The following LRRC4C variants were observed in gnomAD, a reference collection of about 807,000 sequenced individuals.
LRRC4C encodes the protein leucine rich repeat containing 4C.
Under a neutral mutation model 33.6 loss-of-function variants are expected in LRRC4C, and 5 were observed. That is an observed-to-expected ratio of 0.15 (90% CI 0.08 to 0.31). LRRC4C has a LOEUF of 0.31. LRRC4C is among the 10% of genes least tolerant of loss of function. LRRC4C has a pLI of 1.00. For missense variants in LRRC4C, 560 were observed against 796.7 expected (o/e 0.70, Z 3.58); for synonymous variants, 329 against 302.0 (o/e 1.09, Z -0.93).
At chr11:40,313,951 T>C (rs1174568975) in intron 4 of LRRC4C, among the ~76,000 whole-genome samples, 1 of 152,088 alleles carries the variant, frequency 6.6e-6, no homozygotes, top group East Asian at 1.9e-4. Context: ...TGGGAAAACA[T>C]TTTATGAATA....
rs7124141 is a variant in LRRC4C, at chr11:40,505,259, C to A, written c.-270+142883G>T. Reference sequence around the variant, plus strand: ...TATGGCTTATGCTTTCTCTGATGCACAAATTTCCATTGGCTCCTTAGGATT... The same window carrying A: ...TATGGCTTATGCTTTCTCTGATGCAAAAATTTCCATTGGCTCCTTAGGATT... On this transcript the variant is annotated intron_variant, in intron 3 of 6. Transcript: ENST00000528697. Among the ~76,000 whole-genome samples, 1,343 of 152,258 alleles carry A rather than the reference C, an allele frequency of 8.8e-3. 11 individuals carry two copies. Among genetic ancestry groups the A allele is most frequent in the African/African-American group, 0.031 (1,274 of 41,562 alleles).
chr11:40,870,805 G>A (rs1954599002), intron 2 of LRRC4C, among the ~76,000 whole-genome samples: 1 of 152,028 alleles, frequency 6.6e-6, no homozygotes, highest in Admixed American at 6.6e-5. Flanking sequence ...ATGAAATCTG[G>A]GCACCTTGAA....
At chr11:40,888,418 T>C (rs527411057) in intron 2 of LRRC4C, among the ~76,000 whole-genome samples, 100 of 152,098 alleles carry the variant, frequency 6.6e-4, no homozygotes, top group African/African-American at 2.3e-3. Context: ...ATCTATTGCA[T>C]GTATATGTTC....
chr11:41,418,659 A>T (rs1328001511), intron 1 of LRRC4C, among the ~76,000 whole-genome samples: 1 of 152,030 alleles, frequency 6.6e-6, no homozygotes, highest in Admixed American at 6.6e-5. Context: ...TGATAATAAC[A>T]TGTGAAAAAC....
chr11:40,118,875 T>C (rs1855626588), intron 6 of LRRC4C, among the ~76,000 whole-genome samples: 1 of 152,078 alleles, frequency 6.6e-6, no homozygotes, highest in Admixed American at 6.5e-5. Flanking sequence ...AAAATGATAA[T>C]GAGAGGTTAA....
chr11:40,266,088 A>T (rs1181685976), intron 4 of LRRC4C, among the ~76,000 whole-genome samples: 2 of 152,072 alleles, frequency 1.3e-5, no homozygotes, highest in Non-Finnish European at 2.9e-5. Context: ...TCTTGAGCTC[A>T]GGAGTTTCAC....
intron 3 of LRRC4C, among the ~76,000 whole-genome samples, chr11:40,630,319 C>A (rs1963342247): frequency 1.4e-5 from 2 of 145,222 alleles, no homozygotes; most frequent in African/African-American, 5.3e-5. Flanking sequence ...TACTTGTTTT[C>A]TTTCTTCTTC....
chr11:41,311,084 C>T (rs1422342157), intron 1 of LRRC4C, among the ~76,000 whole-genome samples: 1 of 152,200 alleles, frequency 6.6e-6, no homozygotes, highest in Non-Finnish European at 1.5e-5. Context: ...TCTAGAGATT[C>T]TTTGAGAAAC....
chr11:41,339,730 G>A (rs1951570553), intron 1 of LRRC4C, among the ~76,000 whole-genome samples: 1 of 152,070 alleles, frequency 6.6e-6, no homozygotes, highest in Admixed American at 6.5e-5. Context: ...TTTGCACTTG[G>A]AGTAATGGTT....
At chr11:40,509,762 A>T (rs1213696215) in intron 3 of LRRC4C, among the ~76,000 whole-genome samples, 2 of 152,196 alleles carry the variant, frequency 1.3e-5, no homozygotes, top group African/African-American at 4.8e-5. Flanking sequence ...ATAAGCAACC[A>T]TTTATTTGAA....
rs546926667 is a variant in LRRC4C at position 41,255,148 on chromosome 11, G to C, written c.-496+204283C>G. ...CAAGGCTTGGAATTTTCCCCTGCCA[G>C]TGTTCCAATGAACAGCTATTTGGAT... On this transcript the variant is annotated intron_variant, in intron 1 of 6. Coordinates refer to ENST00000528697, the MANE Select transcript of LRRC4C (RefSeq NM_001258419.2). Among the ~76,000 whole-genome samples, 32 of 152,106 alleles carry C rather than the reference G, an allele frequency of 2.1e-4. 1 individual carries two copies. In the South Asian group the frequency reaches 6.2e-3, roughly 30 times the overall value.
At chr11:41,383,740 A>C (rs2956776) in intron 1 of LRRC4C, among the ~76,000 whole-genome samples, 148,824 of 151,774 alleles carry the variant, frequency 0.98, 73,029 homozygotes, top group Middle Eastern at 1. Context: ...AGAAATAAAT[A>C]CAAACATTTA....
intron 1 of LRRC4C, among the ~76,000 whole-genome samples, chr11:41,369,052 T>C (rs1486876679): frequency 4.6e-5 from 7 of 152,184 alleles, no homozygotes; most frequent in Non-Finnish European, 8.8e-5. Flanking sequence ...TCTTAGAGCA[T>C]TTTAAGTCAT....
At chr11:40,614,162 A>G (rs1289909416) in intron 3 of LRRC4C, among the ~76,000 whole-genome samples, 1 of 151,904 alleles carries the variant, frequency 6.6e-6, no homozygotes, top group African/African-American at 2.4e-5. Context: ...CTCTCTAGCT[A>G]TTAAAGTCCC....
chr11:40,202,292 T>A (rs1862819000), intron 5 of LRRC4C, among the ~76,000 whole-genome samples: 1 of 151,070 alleles, frequency 6.6e-6, no homozygotes. Context: ...TAGGCAGGTT[T>A]TTTTTGTTTT....
At chr11:40,786,298 T>C (rs1950408592) in intron 2 of LRRC4C, among the ~76,000 whole-genome samples, 1 of 152,196 alleles carries the variant, frequency 6.6e-6, no homozygotes, top group African/African-American at 2.4e-5. Flanking sequence ...CTTTGGCCAA[T>C]GGGATGTTAG....
At chr11:40,339,221 G>T (rs55748039) in intron 3 of LRRC4C, among the ~76,000 whole-genome samples, 3,244 of 152,256 alleles carry the variant, frequency 0.021, 118 homozygotes, top group African/African-American at 0.073. Flanking sequence ...CAGGAAACAA[G>T]GTTGTAGTCA....
chr11:41,409,698 C>A (rs1341124516), intron 1 of LRRC4C, among the ~76,000 whole-genome samples: 4 of 152,084 alleles, frequency 2.6e-5, no homozygotes, highest in Non-Finnish European at 5.9e-5. Flanking sequence ...AAGAAGCACT[C>A]CATAACTATA....
chr11:41,255,283 C>A (rs1475164772), intron 1 of LRRC4C, among the ~76,000 whole-genome samples: 1 of 151,978 alleles, frequency 6.6e-6, no homozygotes, highest in African/African-American at 2.4e-5. Flanking sequence ...GTGCCTTTAT[C>A]ATCTAAAACG....
Sources: gnomAD v4.1 joint callset for allele counts (sites outside exome capture counted in the v4.1 genomes callset) on GRCh38, gnomAD v4.1.1 for gene constraint, MANE v1.5 for transcripts, NCBI Gene and HGNC (gene_info 2026-07-23, HGNC 2026-07-21) for gene names.